The following CPNE8 variants were observed in gnomAD, a reference collection of about 807,000 sequenced individuals.
CPNE8 encodes the protein copine 8.
A neutral mutation model predicts 81.5 loss-of-function variants in CPNE8; 45 were observed. The observed-to-expected ratio is 0.55, with a 90% CI of 0.44 to 0.71. The LOEUF (loss-of-function observed/expected upper bound fraction) is 0.71. Ranked by LOEUF, CPNE8 falls within the 30% of genes least tolerant of loss-of-function variation. The pLI is 0.00. For synonymous variants in CPNE8, 252 were observed against 226.3 expected (o/e 1.11, Z -1.02); for missense variants, 594 against 672.1 (o/e 0.88, Z 1.28).
At chr12:38,902,350 A>AAAGAAAG (rs1944486055) in intron 1 of CPNE8, among the ~76,000 whole-genome samples, 1 of 96,480 alleles carries the variant, frequency 1.0e-5, no homozygotes, top group South Asian at 2.9e-4. Flanking sequence ...GAAAGAAAGA[A>AAAGAAAG]AGAAAGAAAG....
At chr12:38,799,459 G>C (rs1175525311) in intron 6 of CPNE8, among the ~76,000 whole-genome samples, 3 of 152,042 alleles carry the variant, frequency 2.0e-5, no homozygotes, top group East Asian at 3.9e-4. Flanking sequence ...GGGTACATAA[G>C]GAAATGAAGG....
chr12:38,694,808 C>T (rs757292170), intron 14 of CPNE8, among the ~76,000 whole-genome samples: 12 of 151,976 alleles, frequency 7.9e-5, no homozygotes, highest in Non-Finnish European at 1.2e-4. Flanking sequence ...CTCAATTTTA[C>T]GTTAAAGCAT....
At chr12:38,799,895 C>T (rs1425636917) in intron 6 of CPNE8, among the ~76,000 whole-genome samples, 2 of 151,956 alleles carry the variant, frequency 1.3e-5, no homozygotes, top group Non-Finnish European at 2.9e-5. Context: ...AAAGGTGTGA[C>T]TGACGCACCT....
chr12:38,684,028 T>A, intron 16 of CPNE8, among the ~76,000 whole-genome samples: 2 of 152,188 alleles, frequency 1.3e-5, no homozygotes, highest in South Asian at 2.1e-4. Flanking sequence ...GATGAACACA[T>A]TTCTAATAAC....
intron 6 of CPNE8, among the ~76,000 whole-genome samples, chr12:38,791,147 C>A (rs1942313355): frequency 6.6e-6 from 1 of 151,612 alleles, no homozygotes. Flanking sequence ...GATGTAACTG[C>A]CTTCATATGA....
At chr12:38,789,969 AAAAT>A (rs1942284073) in intron 6 of CPNE8, among the ~76,000 whole-genome samples, 1 of 151,844 alleles carries the variant, frequency 6.6e-6, no homozygotes. Flanking sequence ...AATGTGAAGA[AAAAT>A]AAACCCTTGG....
At chr12:38,736,362 C>T (rs959351031) in intron 10 of CPNE8, among the ~76,000 whole-genome samples, 7 of 151,466 alleles carry the variant, frequency 4.6e-5, no homozygotes, top group African/African-American at 1.7e-4. Context: ...TACACGAAGA[C>T]TAGAACAAAT....
chr12:38,842,091 C>T (rs1334291579), intron 4 of CPNE8, among the ~76,000 whole-genome samples: 1 of 151,506 alleles, frequency 6.6e-6, no homozygotes, highest in Non-Finnish European at 1.5e-5. Flanking sequence ...AATTACTCTC[C>T]TTCGCATCAA....
At chr12:38,719,183 C>A (rs1216236908) in intron 13 of CPNE8, among the ~76,000 whole-genome samples, 1 of 152,152 alleles carries the variant, frequency 6.6e-6, no homozygotes, top group South Asian at 2.1e-4. Context: ...ATATCCAATT[C>A]ATGTGAACTA....
intron 7 of CPNE8, among the ~76,000 whole-genome samples, chr12:38,773,569 A>G (rs1244519007): frequency 2.6e-5 from 4 of 152,156 alleles, no homozygotes; most frequent in African/African-American, 9.6e-5. Context: ...TAAATAGTGA[A>G]AAAGGTAAGA....
chr12:38,876,399 G>T (rs913745388), intron 1 of CPNE8, among the ~76,000 whole-genome samples: 6 of 152,202 alleles, frequency 3.9e-5, no homozygotes, highest in Admixed American at 2.0e-4. Context: ...TTTTAGTAGA[G>T]ACAGGGTTTC....
intron 11 of CPNE8, 123 bp from the exon 12 acceptor site, chr12:38,725,022 A>G: frequency 1.1e-6 from 1 of 869,926 alleles, no homozygotes; most frequent in Non-Finnish European, 1.8e-6. Context: ...TCATTTACAA[A>G]TGCTTTCAGT....
At chr12:38,905,772 C>A, upstream of CPNE8, 4 of 1,393,112 alleles carry the variant, frequency 2.9e-6, no homozygotes, top group South Asian at 3.1e-5. Flanking sequence ...GCGCGGGGAT[C>A]CCGGTTTCCC....
chr12:38,843,225 G>A (rs1162932460), intron 4 of CPNE8, among the ~76,000 whole-genome samples: 1 of 152,082 alleles, frequency 6.6e-6, no homozygotes, highest in African/African-American at 2.4e-5. Context: ...TTACGTTTTT[G>A]ATTCAAGAGT....
At chr12:38,902,365 AAAGAAAGAAAGAAAGAAAAG>A (rs1565670148) in intron 1 of CPNE8, among the ~76,000 whole-genome samples, 4 of 85,854 alleles carry the variant, frequency 4.7e-5, no homozygotes, top group Non-Finnish European at 8.8e-5. Flanking sequence ...AGAAAGAAAG[AAAGAAAGAAAGAAAGAAAAG>A]AAAGAAAGAG....
chr12:38,657,241 G>T lies in CPNE8; in HGVS notation c.1507-3171C>A, dbSNP rs761544596. ...GGAGATTCTCTCCTGTGCCTGGTTT[G>T]GTGGGTCCCATTCCCACAGAGCCTT... On this transcript the variant is annotated intron_variant, in intron 19 of 19. Transcript: ENST00000331366. Among the ~76,000 whole-genome samples, 5 of 152,178 alleles carry T rather than the reference G, an allele frequency of 3.3e-5. No individual in the cohort carries two copies. The South Asian group carries it at 1.0e-3, about 32-fold the overall frequency.
intron 10 of CPNE8, among the ~76,000 whole-genome samples, chr12:38,753,028 T>A (rs1183121555): frequency 6.6e-6 from 1 of 152,050 alleles, no homozygotes; most frequent in Non-Finnish European, 1.5e-5. Context: ...GAAAATGACA[T>A]CTAAATTAAT....
chr12:38,698,322 T>C (rs1695311109), intron 14 of CPNE8, among the ~76,000 whole-genome samples: 1 of 152,248 alleles, frequency 6.6e-6, no homozygotes, highest in Admixed American at 6.5e-5. Context: ...ATGAGAGGTA[T>C]GATTTGCGAA....
intron 19 of CPNE8, among the ~76,000 whole-genome samples, chr12:38,668,816 G>A (rs190553380): frequency 9.5e-4 from 145 of 152,158 alleles, no homozygotes; most frequent in East Asian, 1.7e-3. Flanking sequence ...TTGGGAGGCC[G>A]AGGCGGGCGG....
Sources: gnomAD v4.1 joint callset for allele counts (sites outside exome capture counted in the v4.1 genomes callset) on GRCh38, gnomAD v4.1.1 for gene constraint, MANE v1.5 for transcripts, NCBI Gene and HGNC (gene_info 2026-07-23, HGNC 2026-07-21) for gene names.